ARMC9: variants seen among roughly 807,000 people sequenced by gnomAD.
ARMC9 encodes armadillo repeat containing 9.
ARMC9 carries 94 observed loss-of-function variants against 107.0 expected under a neutral mutation model. The ratio of observed to expected loss-of-function variants is 0.88; its 90% CI spans 0.74 to 1.04. ARMC9 has a LOEUF of 1.04. ARMC9 is among the 50% of genes least tolerant of loss of function. The pLI is 0.00. For missense variants in ARMC9, 942 were observed against 1,030.1 expected (o/e 0.91, Z 1.17); for synonymous variants, 380 against 396.9 (o/e 0.96, Z 0.51).
chr2:231,369,830 G>A, intron 23 of ARMC9, 123 bp from the exon 24 acceptor site: 4 of 1,065,974 alleles, frequency 3.8e-6, no homozygotes, highest in Non-Finnish European at 4.9e-6. Flanking sequence ...CTGACTTCAG[G>A]TGATTTGTCC....
chr2:231,365,941 AG>A (rs2045798815), intron 23 of ARMC9, among the ~76,000 whole-genome samples: 3 of 152,134 alleles, frequency 2.0e-5, no homozygotes, highest in Non-Finnish European at 4.4e-5. Context: ...TGCCAGTGGG[AG>A]GGGCCAGGCA....
intron 20 of ARMC9, among the ~76,000 whole-genome samples, chr2:231,341,640 T>TA (rs1553633323): frequency 0.023 from 3,249 of 140,068 alleles, 123 homozygotes; most frequent in African/African-American, 0.093. Flanking sequence ...GATAGATAGA[T>TA]GATAGATAGA....
chr2:231,319,607 C>T (rs749603051), intron 19 of ARMC9, among the ~76,000 whole-genome samples: 1 of 152,178 alleles, frequency 6.6e-6, no homozygotes, highest in Non-Finnish European at 1.5e-5. Context: ...CTGTCATCTT[C>T]CAGATGGTGT....
In ARMC9 at chr2:231,253,337, A is replaced by G. The variant is rs144827472; in HGVS notation, c.880-3249A>G. Among the ~76,000 whole-genome samples the G allele has an allele frequency of 4.0e-3, 612 of 151,344 alleles. 6 individuals carry two copies. The highest frequency in any genetic ancestry group is 0.014 in the African/African-American group (583 of 41,192). ...ACCATGTTGGCCAGGCTGGTCTTGA[A>G]CTCCTGACCTCAAGTGATTTGCCTG... On this transcript the variant is annotated intron_variant, in intron 9 of 24. Coordinates refer to ENST00000611582, the MANE Select transcript of ARMC9 (RefSeq NM_001352754.2).
At chr2:231,324,123 C>CTTTT (rs71296842) in intron 19 of ARMC9, among the ~76,000 whole-genome samples, 1,079 of 89,188 alleles carry the variant, frequency 0.012, 10 homozygotes, top group African/African-American at 0.015. Flanking sequence ...TTGTAAAGTA[C>CTTTT]TTTTTTTTTT....
chr2:231,239,967 G>A lies in ARMC9; in HGVS notation c.805G>A (p.Val269Ile), dbSNP rs140828136. 1.0e-4 allele frequency: 161 copies of A among 1,614,066 alleles called. No individual in the cohort carries two copies. Among genetic ancestry groups the A allele is most frequent in the Non-Finnish European group, 1.3e-4 (149 of 1,179,994 alleles). The change falls in exon 9 of 25, where the codon GTC becomes ATC. Residue 269 changes from valine to isoleucine, a missense_variant. By Grantham distance (29) the Val-to-Ile change is conservative. Coordinates refer to ENST00000611582, the MANE Select transcript of ARMC9 (RefSeq NM_001352754.2). ...KMITPEYLQS[V>I]CVRLFSNQMR... The stretch of plus-strand genomic sequence containing the variant: ...GATCACCCCTGAGTACCTCCAGAGC[G>A]TCTGTGTCCGCCTGTTCAGTAACCA...
intron 3 of ARMC9, among the ~76,000 whole-genome samples, chr2:231,210,320 A>G (rs2032646481): frequency 6.6e-6 from 1 of 152,174 alleles, no homozygotes; most frequent in Non-Finnish European, 1.5e-5. Context: ...ACCTAGAACG[A>G]TATGTTCAGA....
intron 18 of ARMC9, among the ~76,000 whole-genome samples, chr2:231,291,998 G>T (rs934132863): frequency 2.6e-5 from 4 of 150,976 alleles, no homozygotes; most frequent in African/African-American, 9.8e-5. Flanking sequence ...GTGAAACCCC[G>T]TCTCTACTAA....
chr2:231,242,893 T>C (rs890490597), intron 9 of ARMC9, among the ~76,000 whole-genome samples: 2 of 152,144 alleles, frequency 1.3e-5, no homozygotes, highest in Non-Finnish European at 2.9e-5. Context: ...GGCAGATTGC[T>C]TGAGCCCAGG....
chr2:231,241,347 A>G (rs1036204123), intron 9 of ARMC9, among the ~76,000 whole-genome samples: 1 of 152,130 alleles, frequency 6.6e-6, no homozygotes, highest in Non-Finnish European at 1.5e-5. Context: ...CTGAAGGCCC[A>G]TGGTTTTGAG....
chr2:231,349,188 C>T (rs1486344762), intron 21 of ARMC9, among the ~76,000 whole-genome samples: 1 of 152,168 alleles, frequency 6.6e-6, no homozygotes, highest in Non-Finnish European at 1.5e-5. Flanking sequence ...GCCTCAGTGT[C>T]CATCAGCAGA....
chr2:231,341,633 A>AGAT (rs758660089), intron 20 of ARMC9, among the ~76,000 whole-genome samples: 1,046 of 101,166 alleles, frequency 0.01, 16 homozygotes, highest in African/African-American at 0.061. Flanking sequence ...ATTGATAGAT[A>AGAT]GATAGATGAT....
Position 231,346,592 on chromosome 2 carries a change from T to C in ARMC9, c.1994+1502T>C, listed in dbSNP as rs566595986. ...ATTTGTGTGCCCTATCTCTCTCTCT[T>C]GCTCTCCTTCTATGTGTATGATACA... On this transcript the variant is annotated intron_variant, in intron 21 of 24. Transcript: ENST00000611582. 2.0e-5 allele frequency among the ~76,000 whole-genome samples: 3 copies of C among 152,340 alleles called. No homozygotes were observed. In the East Asian group the frequency reaches 5.8e-4, roughly 29 times the overall value.
chr2:231,207,339 T>C (rs1359789727), intron 2 of ARMC9, among the ~76,000 whole-genome samples: 1 of 152,164 alleles, frequency 6.6e-6, no homozygotes, highest in Admixed American at 6.5e-5. Context: ...AAAATTTATT[T>C]ATTTGAGATG....
chr2:231,302,579 C>G (rs1001215932), intron 19 of ARMC9, among the ~76,000 whole-genome samples: 1 of 151,120 alleles, frequency 6.6e-6, no homozygotes, highest in Non-Finnish European at 1.5e-5. Context: ...CACCTGTGTA[C>G]TTGGAAAGGG....
At position 231,360,921 on chromosome 2, in the gene ARMC9, G is replaced by A. The variant is rs376928605; in HGVS notation, c.2261+38G>A. 103 of 1,474,676 alleles carry A rather than the reference G, an allele frequency of 7.0e-5. No homozygotes were observed. In the East Asian group the frequency reaches 8.4e-4, roughly 12 times the overall value. The allele number at this position is 1,474,676 out of a possible 1,614,324, so 91.3% of individuals were successfully genotyped here. On this transcript the variant is annotated intron_variant, in intron 23 of 24. Transcript: ENST00000611582. The surrounding 1 kb of genome is among the most constrained non-coding windows in gnomAD (Gnocchi z 4.7). ...TCACAAGGCCTCGAACCTGACTCTCGGAGCTCTGGGAGTGGGCGCCCCACG... is the reference window on the plus strand; with the variant it reads ...TCACAAGGCCTCGAACCTGACTCTCAGAGCTCTGGGAGTGGGCGCCCCACG...
intron 12 of ARMC9, among the ~76,000 whole-genome samples, chr2:231,264,243 A>G (rs1405173923): frequency 6.6e-6 from 1 of 152,154 alleles, no homozygotes; most frequent in Non-Finnish European, 1.5e-5. Flanking sequence ...CAGTGGTGCA[A>G]TCTCAGCTCA....
intron 21 of ARMC9, among the ~76,000 whole-genome samples, chr2:231,352,194 T>G (rs1473210783): frequency 1.3e-5 from 2 of 152,044 alleles, no homozygotes; most frequent in African/African-American, 4.8e-5. Context: ...ACTCCTGAGT[T>G]CAAGCAATCC....
chr2:231,338,301 C>G (rs573585987), intron 20 of ARMC9, among the ~76,000 whole-genome samples: 2 of 151,788 alleles, frequency 1.3e-5, no homozygotes, highest in African/African-American at 4.8e-5. Flanking sequence ...TTACTGTAGC[C>G]TCCACCTCCC....
Sources: gnomAD v4.1 joint callset for allele counts (sites outside exome capture counted in the v4.1 genomes callset) on GRCh38, gnomAD v4.1.1 for gene constraint, Gnocchi (gnomAD v3.1) non-coding constraint, MANE v1.5 for transcripts, NCBI Gene and HGNC (gene_info 2026-07-23, HGNC 2026-07-21) for gene names.